Variants in DCAF16 observed in about 807,000 individuals in gnomAD.
The protein encoded by DCAF16 is DDB1- and CUL4-associated factor 16.
DCAF16 carries 10 observed loss-of-function variants against 17.3 expected under a neutral mutation model. That is an observed-to-expected ratio of 0.58 (90% CI 0.36 to 0.98). The LOEUF is 0.98. DCAF16 is among the 50% of genes least tolerant of loss of function. The pLI, the probability that DCAF16 is intolerant of heterozygous loss-of-function variation, is 0.01. For missense variants in DCAF16, 249 were observed against 247.6 expected, an observed-to-expected ratio of 1.01 and a Z score of -0.04; for synonymous variants, 111 against 92.8, an observed-to-expected ratio of 1.20 and a Z score of -1.12.
At chr4:17,796,468 T>G (rs569183247), downstream of DCAF16, among the ~76,000 whole-genome samples, 3 of 152,266 alleles carry the variant, frequency 2.0e-5, no homozygotes, top group African/African-American at 7.2e-5. Context: ...TCCAGCACTT[T>G]GGGAGGCTCA....
Position 17,800,868 on chromosome 4 carries a change from A to AC in DCAF16, c.*2622_*2623insG, listed in dbSNP as rs556082033. The AC allele has an allele frequency of 1.6e-4, 25 of 152,688 alleles. No individual in the cohort carries two copies. Among genetic ancestry groups the AC allele is most frequent in the African/African-American group, 4.8e-4 (20 of 41,516 alleles). 9.5% of individuals were successfully genotyped at this position (152,688 alleles called of 1,614,324 possible). On this transcript the variant is annotated 3_prime_UTR_variant, in exon 3 of 3. Coordinates refer to ENST00000382247, the MANE Select transcript of DCAF16 (RefSeq NM_017741.4). ...CACCTCCACTTAAACAAACAAACAA[A>AC]AAAAAAGGAAACAGTTTCCTGTAAC...
chr4:17,795,132 T>C, the DCAF16 span, among the ~76,000 whole-genome samples: 2 of 152,262 alleles, frequency 1.3e-5, no homozygotes, highest in African/African-American at 2.4e-5. Flanking sequence ...CCACTCTTGA[T>C]TGGATTATTT....
the DCAF16 span, among the ~76,000 whole-genome samples, chr4:17,794,084 A>G: frequency 6.6e-6 from 1 of 152,196 alleles, no homozygotes; most frequent in Non-Finnish European, 1.5e-5. Context: ...ACTGTATGTA[A>G]CCATATCTTG....
downstream of DCAF16, among the ~76,000 whole-genome samples, chr4:17,796,696 T>A (rs1719444346): frequency 1.3e-5 from 2 of 151,988 alleles, no homozygotes; most frequent in East Asian, 3.9e-4. Context: ...ACAGGGTGAG[T>A]CTCCATCTCA....
Position 17,803,272 on chromosome 4 carries a change from G to A in DCAF16, c.*219C>T, listed in dbSNP as rs1480129255. 5 of 523,422 alleles carry A rather than the reference G, an allele frequency of 9.6e-6. No individual in the cohort carries two copies. Among genetic ancestry groups the A allele is most frequent in the South Asian group, 4.5e-5 (2 of 44,386 alleles). The allele number at this position is 523,422 out of a possible 1,614,324, so 32.4% of individuals were successfully genotyped here. A position where few individuals can be genotyped will look rare whatever the true frequency, so the allele number is the denominator to read the frequency against. On this transcript the variant is annotated 3_prime_UTR_variant, in exon 3 of 3. Coordinates refer to ENST00000382247, the MANE Select transcript of DCAF16 (RefSeq NM_017741.4). ...ACTTCTGACTTCAGCAGATCCACCC[G>A]CCTCAGCCTCCCAAAGTGCTGGGAT...
At position 17,803,583 on chromosome 4, in the gene DCAF16, TAACTG is replaced by T; in HGVS notation, c.554_558del (p.Thr185LysfsTer7). 6.2e-7 allele frequency: 1 copy of T among 1,614,208 alleles called. No individual in the cohort carries two copies. Among genetic ancestry groups the T allele is most frequent in the Non-Finnish European group, 8.5e-7 (1 of 1,180,026 alleles). On this transcript the variant is annotated frameshift_variant, in exon 3 of 3. Coordinates refer to ENST00000382247, the MANE Select transcript of DCAF16 (RefSeq NM_017741.4). LOFTEE classifies it high-confidence loss of function. ...ATGGGTTCAGTACGAGTTGTTTCCT[TAACTG>T]TTTTAGTCAGCCAGCCACAGCAACA... is the stretch of plus-strand genomic sequence containing the variant.
Position 17,803,585 on chromosome 4 carries a change from A to C in DCAF16, c.557T>G (p.Val186Gly), listed in dbSNP as rs1719999419. 6.2e-7 allele frequency: 1 copy of C among 1,614,168 alleles called. No homozygotes were observed. The highest frequency in any genetic ancestry group is 8.5e-7 in the Non-Finnish European group (1 of 1,180,014). ...GGGTTCAGTACGAGTTGTTTCCTTA[A>C]CTGTTTTAGTCAGCCAGCCACAGCA... Reference protein sequence around the residue: ...GCCCGWLTKTVKETTRTEPIN... With the variant: ...GCCCGWLTKTGKETTRTEPIN... The change falls in exon 3 of 3, where the codon GTT becomes GGT. Residue 186 changes from valine (V) to glycine (G), a missense_variant. Val to Gly is a moderately radical substitution (Grantham distance 109). Coordinates refer to ENST00000382247, the MANE Select transcript of DCAF16 (RefSeq NM_017741.4).
intron 1 of DCAF16, chr4:17,809,508 G>A (rs898107603): frequency 1.3e-5 from 2 of 152,160 alleles, no homozygotes; most frequent in African/African-American, 2.4e-5. Flanking sequence ...CATGGTAAAA[G>A]TTAACAGTAA....
At position 17,804,513 on chromosome 4, in the gene DCAF16, C is replaced by G. The variant is rs2109022111; in HGVS notation, c.-372G>C. ...AGCATAGTCCCAACTGGTAGTGATA[C>G]TGTGAAGAGACACTTTTTGTGCTGT... On this transcript the variant is annotated 5_prime_UTR_variant, in exon 3 of 3. Coordinates refer to ENST00000382247, the MANE Select transcript of DCAF16 (RefSeq NM_017741.4). 4.7e-6 allele frequency: 1 copy of G among 212,346 alleles called. No individual in the cohort carries two copies. The highest frequency in any genetic ancestry group is 2.3e-5 in the African/African-American group (1 of 42,598). The allele number at this position is 212,346 out of a possible 1,614,324, so 13.2% of individuals were successfully genotyped here.
Position 17,803,993 on chromosome 4 carries a change from T to C in DCAF16, c.149A>G (p.Glu50Gly), listed in dbSNP as rs1446258155. 3 of 1,614,196 alleles carry C rather than the reference T, an allele frequency of 1.9e-6. No homozygotes were observed. Among genetic ancestry groups the C allele is most frequent in the Non-Finnish European group, 2.5e-6 (3 of 1,180,038 alleles). Residue 50 changes from glutamate (E) to glycine (G), a missense_variant, in exon 3 of 3, where the codon GAG becomes GGG. Physicochemically the swap from Glu to Gly is moderately conservative, Grantham distance 98 (BLOSUM62 -2). Transcript: ENST00000382247. The stretch of plus-strand genomic sequence containing the variant: ...GCACTTAACCTGCCAGGCAAGACTC[T>C]CAAGAGGCGATAAGTTGGGCACCAT... ...DSMVPNLSPL[E>G]SLAWQVKCLL...
downstream of DCAF16, among the ~76,000 whole-genome samples, chr4:17,795,930 G>A (rs1367039221): frequency 1.3e-5 from 2 of 152,196 alleles, no homozygotes; most frequent in African/African-American, 2.4e-5. Flanking sequence ...GAGCAGGGCT[G>A]GGTATAAGCC....
At chr4:17,799,448 T>C (rs760078882), downstream of DCAF16, among the ~76,000 whole-genome samples, 1 of 152,336 alleles carries the variant, frequency 6.6e-6, no homozygotes, top group Non-Finnish European at 1.5e-5. Flanking sequence ...TGCACTAGAG[T>C]AGGCACTTCT....
At chr4:17,795,462 TTC>T in the DCAF16 span, among the ~76,000 whole-genome samples, 1 of 127,754 alleles carries the variant, frequency 7.8e-6, no homozygotes, top group Non-Finnish European at 1.6e-5. Context: ...TCTCTTCACC[TTC>T]TTTCTCTGTT....
At chr4:17,807,123 G>A (rs1035178217) in intron 1 of DCAF16, among the ~76,000 whole-genome samples, 1 of 152,154 alleles carries the variant, frequency 6.6e-6, no homozygotes, top group African/African-American at 2.4e-5. Context: ...AATGGGGATG[G>A]TAAAACTATA....
downstream of DCAF16, among the ~76,000 whole-genome samples, chr4:17,796,285 C>A (rs1359574780): frequency 6.6e-6 from 1 of 152,130 alleles, no homozygotes; most frequent in African/African-American, 2.4e-5. Flanking sequence ...GATAGGTGTT[C>A]CAAATTTGTG....
the DCAF16 span, among the ~76,000 whole-genome samples, chr4:17,793,593 G>T: frequency 6.6e-6 from 1 of 152,020 alleles, no homozygotes; most frequent in Non-Finnish European, 1.5e-5. Context: ...AAAGAAGCCA[G>T]GCATAAAACA....
At chr4:17,794,836 A>G in the DCAF16 span, among the ~76,000 whole-genome samples, 5 of 152,208 alleles carry the variant, frequency 3.3e-5, no homozygotes, top group Non-Finnish European at 7.3e-5. Flanking sequence ...TAAAATTTCA[A>G]ATTTCCTGCT....
In DCAF16 at chr4:17,803,528, T is replaced by C; in HGVS notation, c.614A>G (p.Gln205Arg). The change falls in exon 3 of 3, where the codon CAA (glutamine) becomes CGA (arginine). Residue 205 changes from glutamine (Q) to arginine (R), a missense_variant. Transcript: ENST00000382247. ...AGTTAGGAGTTTGTTAACTGCCTTT[T>C]GGAAGTCAGTGTAAGAATAAGTAGT... ...INTTYSYTDF[Q>R]KAVNKLLTAS... is the part of the protein sequence containing the mutation. The C allele has an allele frequency of 6.2e-7, 1 of 1,614,158 alleles. No homozygotes were observed. Among genetic ancestry groups the C allele is most frequent in the African/African-American group, 1.3e-5 (1 of 75,060 alleles).
intron 1 of DCAF16, among the ~76,000 whole-genome samples, chr4:17,807,960 T>C (rs974179313): frequency 2.6e-5 from 4 of 152,184 alleles, no homozygotes; most frequent in Non-Finnish European, 5.9e-5. Context: ...CTGGCATATA[T>C]GAGTGGCTCA....
Sources: allele counts gnomAD v4.1 joint callset (sites outside exome capture counted in the v4.1 genomes callset), GRCh38; gene constraint gnomAD v4.1.1; transcripts MANE v1.5; gene names NCBI Gene and HGNC (gene_info 2026-07-23, HGNC 2026-07-21).